The following TBC1D14 variants were observed in gnomAD, a reference collection of about 807,000 sequenced individuals.
TBC1D14 encodes TBC1 domain family member 14.
Under a neutral mutation model 79.0 loss-of-function variants are expected in TBC1D14, and 26 were observed. The observed-to-expected ratio is 0.33, with a 90% CI of 0.24 to 0.46. The LOEUF (loss-of-function observed/expected upper bound fraction) is 0.46, where lower values mean the gene tolerates loss of function less well. Ranked by LOEUF, TBC1D14 falls within the 20% of genes least tolerant of loss-of-function variation. The probability of loss-of-function intolerance (pLI) is 1.00; values close to 1 mark genes in which losing one functional copy is unlikely to be tolerated. For missense variants in TBC1D14, 769 were observed against 887.6 expected (o/e 0.87, Z 1.70); for synonymous variants, 394 against 349.9 (o/e 1.13, Z -1.40).
At chr4:7,023,389 A>T (rs1722022343) in intron 12 of TBC1D14, among the ~76,000 whole-genome samples, 1 of 152,246 alleles carries the variant, frequency 6.6e-6, no homozygotes, top group Non-Finnish European at 1.5e-5. Context: ...ATAGTTGTGC[A>T]GGCCGAGTGG....
At chr4:6,999,327 T>A in intron 6 of TBC1D14, 125 bp downstream of exon 6, 1 of 838,726 alleles carries the variant, frequency 1.2e-6, no homozygotes, top group South Asian at 1.6e-5. Context: ...TTGCATCATC[T>A]TCCTTCCCTC....
In TBC1D14 at chr4:6,923,343, C is replaced by A. The variant is rs769145998; in HGVS notation, c.-17-30C>A. 1.1e-5 allele frequency: 17 copies of A among 1,556,472 alleles called. No individual in the cohort carries two copies. The East Asian group carries it at 3.8e-4, about 35-fold the overall frequency. ...GTGGCATCTTTGAATTTTATATCCA[C>A]TTTAATTTCCATGTTTGTGTTTTTT... is the stretch of plus-strand genomic sequence containing the variant. On this transcript the variant is annotated intron_variant, in intron 1 of 13. Coordinates refer to ENST00000409757, the MANE Select transcript of TBC1D14 (RefSeq NM_020773.3).
chr4:6,984,791 G>A (rs1384833011), intron 3 of TBC1D14, among the ~76,000 whole-genome samples: 1 of 152,222 alleles, frequency 6.6e-6, no homozygotes, highest in Non-Finnish European at 1.5e-5. Flanking sequence ...TAGGAATCTT[G>A]TTAAACACAT....
intron 3 of TBC1D14, chr4:6,987,230 C>G: frequency 1.6e-6 from 2 of 1,255,406 alleles, no homozygotes; most frequent in Non-Finnish European, 2.0e-6. Flanking sequence ...CCCCGCGAGT[C>G]TGAGGAGCCG....
intron 2 of TBC1D14, among the ~76,000 whole-genome samples, chr4:6,933,239 C>T (rs1711930797): frequency 2.3e-4 from 2 of 8,566 alleles, no homozygotes; most frequent in Non-Finnish European, 6.2e-4. Flanking sequence ...TGAGAATTAC[C>T]TCCCCTCCCC....
intron 2 of TBC1D14, chr4:6,954,320 C>A (rs1483465552): frequency 4.2e-6 from 3 of 717,398 alleles, no homozygotes; most frequent in African/African-American, 3.5e-5. Context: ...ATCTCCCCTG[C>A]GCTCCTGTTC....
chr4:6,974,803 T>A (rs967708991), intron 3 of TBC1D14, among the ~76,000 whole-genome samples: 1 of 151,968 alleles, frequency 6.6e-6, no homozygotes, highest in Non-Finnish European at 1.5e-5. Flanking sequence ...ATTAATTGGC[T>A]TAAGAACTAG....
chr4:6,992,113 A>T (rs1459490361), intron 3 of TBC1D14, among the ~76,000 whole-genome samples: 1 of 152,198 alleles, frequency 6.6e-6, no homozygotes, highest in Non-Finnish European at 1.5e-5. Flanking sequence ...ACATCACCTC[A>T]TTCCTTCCAG....
chr4:6,931,479 A>C (rs1711725215), intron 2 of TBC1D14, among the ~76,000 whole-genome samples: 1 of 152,128 alleles, frequency 6.6e-6, no homozygotes, highest in Admixed American at 6.6e-5. Flanking sequence ...CATGCAGCTG[A>C]TGGTGTCACT....
intron 2 of TBC1D14, among the ~76,000 whole-genome samples, chr4:6,958,090 G>T (rs575128394): frequency 6.6e-6 from 1 of 152,178 alleles, no homozygotes; most frequent in South Asian, 2.1e-4. Context: ...CAGGTTCTCA[G>T]CTCCCCAGGG....
chr4:6,933,970 ACT>A (rs1347018992), intron 2 of TBC1D14, among the ~76,000 whole-genome samples: 1 of 152,000 alleles, frequency 6.6e-6, no homozygotes, highest in Non-Finnish European at 1.5e-5. Context: ...GTCAAAGATG[ACT>A]CTGAGACTTT....
chr4:6,983,880 A>C (rs1717591146), intron 3 of TBC1D14, among the ~76,000 whole-genome samples: 1 of 152,170 alleles, frequency 6.6e-6, no homozygotes, highest in East Asian at 1.9e-4. Context: ...AATGCTTCCT[A>C]AGTTTTGCTT....
At chr4:6,964,783 C>G (rs1430373290) in intron 2 of TBC1D14, among the ~76,000 whole-genome samples, 1 of 152,092 alleles carries the variant, frequency 6.6e-6, no homozygotes, top group Non-Finnish European at 1.5e-5. Context: ...AACAGTGAAA[C>G]TATTTGTTTT....
intron 3 of TBC1D14, among the ~76,000 whole-genome samples, chr4:6,969,468 C>G (rs557912591): frequency 6.6e-6 from 1 of 151,818 alleles, no homozygotes. Flanking sequence ...TGCAGTGGTG[C>G]GATCTTGGCT....
Position 6,983,067 on chromosome 4 carries a change from G to T in TBC1D14, c.844-11117G>T, listed in dbSNP as rs143359526. Among the ~76,000 whole-genome samples, 430 of 152,070 alleles carry T rather than the reference G, an allele frequency of 2.8e-3. 1 individual carries two copies. The highest frequency in any genetic ancestry group is 8.3e-3 in the African/African-American group (346 of 41,462). ...AGACAAAGTCTTGTTCTGTTGCCCA[G>T]ACTGGAGTGCAGTGGCACGATCTCG... On this transcript the variant is annotated intron_variant, in intron 3 of 13. Transcript: ENST00000409757.
At chr4:6,958,433 A>C (rs58027198) in intron 2 of TBC1D14, among the ~76,000 whole-genome samples, 2,295 of 148,258 alleles carry the variant, frequency 0.015, 16 homozygotes, top group Middle Eastern at 0.037. Context: ...TTTATGCTTT[A>C]TTTATTTTTT....
In TBC1D14 at chr4:6,996,390, T is replaced by C. The variant is rs1719046321; in HGVS notation, c.1028T>C (p.Val343Ala). ...KHRQQYEEMV[V>A]QAKKRELKEA... ...AGACAGCAGTATGAAGAAATGGTGG[T>C]TCAGGCCAAAAAGCGAGGTAATGGG... Residue 343 changes from valine to alanine, a missense_variant, in exon 5 of 14, where the codon GTT (valine) becomes GCT (alanine). By Grantham distance (64) the Val-to-Ala change is moderately conservative. Transcript: ENST00000409757. The C allele has an allele frequency of 6.2e-7, 1 of 1,613,590 alleles. No individual in the cohort carries two copies. Among genetic ancestry groups the C allele is most frequent in the Non-Finnish European group, 8.5e-7 (1 of 1,179,710 alleles).
chr4:6,958,001 C>G lies in TBC1D14; in HGVS notation c.723-9303C>G, dbSNP rs74936805. ...ATCCCCTTGTTGGGATATCCTAACC[C>G]TCTTGGCGATGTTAAGCCCACAGTG... is the stretch of plus-strand genomic sequence containing the variant. On this transcript the variant is annotated intron_variant, in intron 2 of 13. Coordinates refer to ENST00000409757, the MANE Select transcript of TBC1D14 (RefSeq NM_020773.3). Among the ~76,000 whole-genome samples the G allele has an allele frequency of 3.2e-3, 483 of 151,758 alleles. 1 individual carries two copies. The highest frequency in any genetic ancestry group is 0.011 in the African/African-American group (454 of 41,432).
Position 6,923,882 on chromosome 4 carries a change from G to C in TBC1D14, c.493G>C (p.Glu165Gln), listed in dbSNP as rs1225944509. 2 of 1,614,168 alleles carry C rather than the reference G, an allele frequency of 1.2e-6. No individual in the cohort carries two copies. The highest frequency in any genetic ancestry group is 8.5e-7 in the Non-Finnish European group (1 of 1,180,044). ...SVCSVSSLGT[E>Q]LSTTLSVSNE... The stretch of plus-strand genomic sequence containing the variant: ...CTGCAGCGTGTCCAGTCTTGGGACA[G>C]AGCTGTCCACCACGCTGTCCGTCAG... Residue 165 changes from glutamate (E) to glutamine (Q), a missense_variant, in exon 2 of 14, where the codon GAG (glutamate) becomes CAG (glutamine). Glu to Gln is a conservative substitution (Grantham distance 29). Coordinates refer to ENST00000409757, the MANE Select transcript of TBC1D14 (RefSeq NM_020773.3).
Sources: gnomAD v4.1 joint callset for allele counts (sites outside exome capture counted in the v4.1 genomes callset) on GRCh38, gnomAD v4.1.1 for gene constraint, MANE v1.5 for transcripts, NCBI Gene and HGNC (gene_info 2026-07-23, HGNC 2026-07-21) for gene names.